Variants in SAMMSON observed in about 807,000 individuals in gnomAD.
SAMMSON encodes long intergenic non-protein coding RNA 1212.
chr3:70,425,472 C>T (rs188167383), intron 2 of SAMMSON, among the ~76,000 whole-genome samples: 3 of 151,902 alleles, frequency 2.0e-5, no homozygotes, highest in African/African-American at 7.2e-5. Context: ...AGTGCAGTGG[C>T]GTGATCTTGG....
chr3:70,024,082 G>C (rs948509082), intron 3 of SAMMSON, among the ~76,000 whole-genome samples: 3 of 152,006 alleles, frequency 2.0e-5, no homozygotes, highest in African/African-American at 4.8e-5. Flanking sequence ...GCAGGTCTAC[G>C]CAATTCTGCC....
chr3:70,071,646 G>A (rs545012095), intron 4 of SAMMSON: 88 of 152,026 alleles, frequency 5.8e-4, no homozygotes, highest in African/African-American at 2.0e-3. Flanking sequence ...TTTAAGCCTC[G>A]CGATTCCTAA....
intron 3 of SAMMSON, among the ~76,000 whole-genome samples, chr3:70,043,015 A>G (rs188909775): frequency 1.3e-5 from 2 of 152,212 alleles, no homozygotes. Context: ...AAATATTCTA[A>G]TGGTGTTTTA....
chr3:70,171,049 C>A (rs1700938984), intron 4 of SAMMSON, among the ~76,000 whole-genome samples: 1 of 151,776 alleles, frequency 6.6e-6, no homozygotes, highest in African/African-American at 2.4e-5. Context: ...CATCGGAGGG[C>A]AGAATTTGGC....
chr3:70,377,583 A>C (rs1016232924), intron 9 of SAMMSON, among the ~76,000 whole-genome samples: 1 of 152,104 alleles, frequency 6.6e-6, no homozygotes, highest in Non-Finnish European at 1.5e-5. Context: ...CATGTAAAGG[A>C]GAGTAATTTA....
chr3:70,344,690 G>A (rs1373495615), intron 7 of SAMMSON, among the ~76,000 whole-genome samples: 1 of 152,196 alleles, frequency 6.6e-6, no homozygotes. Context: ...AGAGCCAAGG[G>A]CACACTCCCT....
At chr3:70,155,153 G>A (rs779395797) in intron 4 of SAMMSON, among the ~76,000 whole-genome samples, 10 of 151,634 alleles carry the variant, frequency 6.6e-5, no homozygotes, top group Middle Eastern at 3.2e-3. Context: ...CTGCAACCTC[G>A]GTCAGGTCAC....
intron 9 of SAMMSON, among the ~76,000 whole-genome samples, chr3:70,386,283 C>T (rs1423387431): frequency 6.6e-6 from 1 of 152,034 alleles, no homozygotes; most frequent in Non-Finnish European, 1.5e-5. Context: ...CTACCTAGCT[C>T]TCTGATTTCA....
At chr3:70,083,155 A>C (rs1193025661) in intron 4 of SAMMSON, among the ~76,000 whole-genome samples, 4 of 152,170 alleles carry the variant, frequency 2.6e-5, no homozygotes, top group Non-Finnish European at 2.9e-5. Context: ...TCAGAAGCAA[A>C]AGCACTCACT....
chr3:70,168,751 A>G (rs1228661952), intron 4 of SAMMSON, among the ~76,000 whole-genome samples: 2 of 151,942 alleles, frequency 1.3e-5, no homozygotes, highest in Non-Finnish European at 2.9e-5. Context: ...CTGCTTGTCC[A>G]TCAATTTATT....
chr3:70,245,394 G>A (rs954339943), intron 4 of SAMMSON, among the ~76,000 whole-genome samples: 2 of 151,602 alleles, frequency 1.3e-5, no homozygotes, highest in African/African-American at 2.4e-5. Context: ...TTTAATGCTA[G>A]TATAGATTTA....
At chr3:70,348,783 C>A (rs1348681527) in intron 7 of SAMMSON, among the ~76,000 whole-genome samples, 1 of 152,126 alleles carries the variant, frequency 6.6e-6, no homozygotes, top group East Asian at 1.9e-4. Context: ...GAGGACTTTG[C>A]AGGCTGTTAA....
intron 7 of SAMMSON, among the ~76,000 whole-genome samples, chr3:70,338,752 G>C (rs1445514738): frequency 6.6e-6 from 1 of 151,968 alleles, no homozygotes; most frequent in Non-Finnish European, 1.5e-5. Context: ...AAATAAGAGA[G>C]GACACAAACA....
At chr3:70,313,257 A>G (rs7617130) in intron 7 of SAMMSON, among the ~76,000 whole-genome samples, 63,979 of 151,986 alleles carry the variant, frequency 0.42, 14,095 homozygotes, top group East Asian at 0.85. Flanking sequence ...TGCTTGAGGC[A>G]AGGAGTTCCA....
intron 3 of SAMMSON, among the ~76,000 whole-genome samples, chr3:70,025,357 G>A (rs2107582038): frequency 6.6e-6 from 1 of 152,184 alleles, no homozygotes; most frequent in Non-Finnish European, 1.5e-5. Context: ...CGATTCTTCT[G>A]CCTCAGCCTC....
intron 4 of SAMMSON, among the ~76,000 whole-genome samples, chr3:70,242,982 T>C (rs752065154): frequency 3.9e-5 from 6 of 152,214 alleles, no homozygotes; most frequent in Non-Finnish European, 8.8e-5. Flanking sequence ...ACCTAAATAC[T>C]AATTTCCCAA....
chr3:70,285,327 G>A (rs200205448), intron 6 of SAMMSON, among the ~76,000 whole-genome samples: 6,157 of 150,986 alleles, frequency 0.041, 190 homozygotes, highest in South Asian at 0.078. Context: ...TTGTTCTTGC[G>A]ATAGTTTACT....
chr3:70,289,043 C>T (rs866922061), intron 6 of SAMMSON, among the ~76,000 whole-genome samples: 1 of 152,010 alleles, frequency 6.6e-6, no homozygotes, highest in East Asian at 1.9e-4. Context: ...TTAATTGGAG[C>T]ATTTAGCCCA....
At chr3:70,018,045 C>CT (rs1327065171) in intron 3 of SAMMSON, among the ~76,000 whole-genome samples, 1 of 152,012 alleles carries the variant, frequency 6.6e-6, no homozygotes, top group East Asian at 1.9e-4. Context: ...CTAAAATTCT[C>CT]TTTTTTTGTT....
Sources: gnomAD v4.1 joint callset for allele counts (sites outside exome capture counted in the v4.1 genomes callset) on GRCh38, gnomAD v4.1.1 for gene constraint, MANE v1.5 for transcripts, NCBI Gene and HGNC (gene_info 2026-07-23, HGNC 2026-07-21) for gene names.